CNBD1: variants seen among roughly 807,000 people sequenced by gnomAD.
The protein encoded by CNBD1 is cyclic nucleotide binding domain containing 1.
In CNBD1, 71 loss-of-function variants were observed where a neutral mutation model predicts 54.4. The observed-to-expected ratio is 1.30, with a 90% CI of 1.08 to 1.59. The LOEUF (loss-of-function observed/expected upper bound fraction) is 1.59. CNBD1 is among the 40% of genes most tolerant of loss of function. The pLI is 0.00. For missense variants in CNBD1, 659 were observed against 518.0 expected, an observed-to-expected ratio of 1.27 and a Z score of -2.64; for synonymous variants, 182 against 170.7, an observed-to-expected ratio of 1.07 and a Z score of -0.51.
intron 4 of CNBD1, among the ~76,000 whole-genome samples, chr8:87,072,068 C>T (rs950247387): frequency 5.3e-5 from 8 of 152,054 alleles, no homozygotes; most frequent in Non-Finnish European, 1.0e-4. Flanking sequence ...TATGTAATGC[C>T]CTTCTTTGTC....
At chr8:86,901,554 C>G (rs969257727) in intron 2 of CNBD1, among the ~76,000 whole-genome samples, 2 of 152,116 alleles carry the variant, frequency 1.3e-5, no homozygotes, top group Admixed American at 1.3e-4. Context: ...TATAGATAAA[C>G]ACTAAATCTC....
chr8:86,915,751 A>G (rs536462469), intron 3 of CNBD1, among the ~76,000 whole-genome samples: 2 of 152,230 alleles, frequency 1.3e-5, no homozygotes, highest in African/African-American at 2.4e-5. Context: ...TTAAGAGTGC[A>G]TTAGAGTGAA....
chr8:87,297,954 T>C (rs1293598907), intron 8 of CNBD1, among the ~76,000 whole-genome samples: 2 of 151,554 alleles, frequency 1.3e-5, no homozygotes, highest in Non-Finnish European at 2.9e-5. Context: ...TCTCCCTACA[T>C]ATTCTATATA....
intron 5 of CNBD1, among the ~76,000 whole-genome samples, chr8:87,228,058 C>T (rs1814550378): frequency 6.6e-6 from 1 of 151,928 alleles, no homozygotes; most frequent in African/African-American, 2.4e-5. Context: ...CTGCATTCTT[C>T]CCGTAGTTCT....
At chr8:86,910,267 ACT>A (rs1303314199) in intron 3 of CNBD1, among the ~76,000 whole-genome samples, 1 of 151,924 alleles carries the variant, frequency 6.6e-6, no homozygotes, top group Non-Finnish European at 1.5e-5. Context: ...TGCTTGTCGG[ACT>A]CTCTACTTCT....
At chr8:87,033,009 T>A (rs913341971) in intron 4 of CNBD1, among the ~76,000 whole-genome samples, 1 of 152,200 alleles carries the variant, frequency 6.6e-6, no homozygotes, top group African/African-American at 2.4e-5. Flanking sequence ...TTTCACAGTT[T>A]CCTTGATTGA....
intron 4 of CNBD1, among the ~76,000 whole-genome samples, chr8:87,027,026 A>G (rs1608721): frequency 0.03 from 4,614 of 152,290 alleles, 239 homozygotes; most frequent in African/African-American, 0.1. Flanking sequence ...TGTTTGTTAA[A>G]AATTTCCTTA....
At chr8:87,338,814 G>A (rs1011295989) in intron 8 of CNBD1, among the ~76,000 whole-genome samples, 2 of 151,940 alleles carry the variant, frequency 1.3e-5, no homozygotes, top group Admixed American at 6.6e-5. Context: ...TTTCTTTGTA[G>A]CCTGACATGA....
intron 4 of CNBD1, among the ~76,000 whole-genome samples, chr8:87,100,891 A>G (rs916812412): frequency 5.0e-4 from 76 of 152,206 alleles, no homozygotes; most frequent in African/African-American, 1.7e-3. Flanking sequence ...ATCTGTATAA[A>G]AACTACCAAA....
Position 87,322,080 on chromosome 8 carries a change from T to C in CNBD1, c.1043-29605T>C, listed in dbSNP as rs867047841. Among the ~76,000 whole-genome samples, 43 of 130,892 alleles carry C rather than the reference T, an allele frequency of 3.3e-4. 1 individual carries two copies. The highest frequency in any genetic ancestry group is 3.7e-3 in the Middle Eastern group (1 of 272). 85.9% of individuals were successfully genotyped at this position (130,892 alleles called of 152,430 possible). On this transcript the variant is annotated intron_variant, in intron 8 of 10. Transcript: ENST00000518476. ...TTGGTTTTTTGTTCTTGCGATAGTT[T>C]ACTGAGAATGATGATTTCCAGTTTA... is the stretch of plus-strand genomic sequence containing the variant.
chr8:87,229,577 A>C lies in CNBD1; in HGVS notation c.578-7342A>C, dbSNP rs562957362. Reference sequence around the variant, plus strand: ...GTCTATAAATTTTGGGATTATGTCAAATACTCTTTGAATTCTATTTTGAGA... The same window carrying C: ...GTCTATAAATTTTGGGATTATGTCACATACTCTTTGAATTCTATTTTGAGA... On this transcript the variant is annotated intron_variant, in intron 5 of 10. Transcript: ENST00000518476. Among the ~76,000 whole-genome samples the C allele has an allele frequency of 1.4e-4, 22 of 152,232 alleles. No individual in the cohort carries two copies. The East Asian group carries it at 1.9e-3, about 13-fold the overall frequency.
At chr8:87,102,862 C>T (rs565155474) in intron 4 of CNBD1, among the ~76,000 whole-genome samples, 3 of 152,206 alleles carry the variant, frequency 2.0e-5, no homozygotes, top group South Asian at 2.1e-4. Context: ...GATCCGCCCG[C>T]CTCAGCTTCC....
At chr8:87,082,575 TTTC>T (rs1382209791) in intron 4 of CNBD1, among the ~76,000 whole-genome samples, 42 of 152,228 alleles carry the variant, frequency 2.8e-4, no homozygotes, top group Non-Finnish European at 1.2e-4. Context: ...GTATAGTTTT[TTTC>T]TTTTCATTTT....
Position 87,250,976 on chromosome 8 carries a change from G to A in CNBD1, c.771+13864G>A, listed in dbSNP as rs1012683849. On this transcript the variant is annotated intron_variant, in intron 6 of 10. Coordinates refer to ENST00000518476, the MANE Select transcript of CNBD1 (RefSeq NM_173538.3). ...ATATTTTCAAATAACCAAAAGAATG[G>A]AATTGCAATGTTCCTAACACAAAGA... 2.0e-5 allele frequency among the ~76,000 whole-genome samples: 3 copies of A among 151,906 alleles called. 1 individual carries two copies. The highest frequency in any genetic ancestry group is 7.2e-5 in the African/African-American group (3 of 41,382).
chr8:87,080,260 G>A, intron 4 of CNBD1, among the ~76,000 whole-genome samples: 1 of 152,038 alleles, frequency 6.6e-6, no homozygotes, highest in Admixed American at 6.6e-5. Flanking sequence ...AAATTACTTT[G>A]GATTTTCTAG....
intron 4 of CNBD1, among the ~76,000 whole-genome samples, chr8:87,193,725 T>C (rs1292411860): frequency 4.6e-5 from 7 of 152,156 alleles, no homozygotes; most frequent in Non-Finnish European, 1.0e-4. Context: ...GGAACTGTCT[T>C]AACAGAATTT....
intron 4 of CNBD1, among the ~76,000 whole-genome samples, chr8:87,035,215 A>G (rs1809895095): frequency 6.6e-6 from 1 of 152,180 alleles, no homozygotes; most frequent in Admixed American, 6.6e-5. Flanking sequence ...GTGCACATGC[A>G]TGTTTGTTAC....
rs1398916303 is a variant in CNBD1, at chr8:87,236,967, C to T, written c.626C>T (p.Pro209Leu). Residue 209 changes from proline to leucine, a missense_variant, in exon 6 of 11, where the codon CCT becomes CTT. Physicochemically the swap from Pro to Leu is moderately conservative, Grantham distance 98. Transcript: ENST00000518476. ...FYVILKGLAR[P>L]QTNVYKNLIE... is the part of the protein sequence containing the mutation. Reference sequence around the variant, plus strand: ...GTAATACTGAAAGGCCTAGCTCGACCTCAAACAAACGTGTATAAAAATCTG... The same window carrying T: ...GTAATACTGAAAGGCCTAGCTCGACTTCAAACAAACGTGTATAAAAATCTG... The T allele has an allele frequency of 1.2e-5, 19 of 1,611,410 alleles. No homozygotes were observed. Among genetic ancestry groups the T allele is most frequent in the Admixed American group, 1.7e-5 (1 of 59,774 alleles).
chr8:86,984,698 G>C (rs563006005), intron 4 of CNBD1, among the ~76,000 whole-genome samples: 2 of 152,262 alleles, frequency 1.3e-5, no homozygotes, highest in East Asian at 3.9e-4. Context: ...CATGAGGCCT[G>C]CAGCACCTTT....
Sources: gnomAD v4.1 joint callset for allele counts (sites outside exome capture counted in the v4.1 genomes callset) on GRCh38, gnomAD v4.1.1 for gene constraint, MANE v1.5 for transcripts, NCBI Gene and HGNC (gene_info 2026-07-23, HGNC 2026-07-21) for gene names.